CDH10: variants seen among roughly 807,000 people sequenced by gnomAD.
CDH10 encodes cadherin 10.
A neutral mutation model predicts 73.1 loss-of-function variants in CDH10; 30 were observed. The ratio of observed to expected loss-of-function variants is 0.41; its 90% CI spans 0.31 to 0.56. The LOEUF is 0.56. Among genes scored for constraint, CDH10 ranks in the 20% least tolerant of loss-of-function variants. The pLI is 0.27. For missense variants in CDH10, 815 were observed against 973.7 expected (o/e 0.84, Z 2.17); for synonymous variants, 345 against 348.2 (o/e 0.99, Z 0.10).
At chr5:24,499,231 A>G (rs942104024) in intron 8 of CDH10, 1 of 152,640 alleles carries the variant, frequency 6.6e-6, no homozygotes, top group East Asian at 1.9e-4. Context: ...CACATATTTT[A>G]TTAATATAGT....
intron 5 of CDH10, among the ~76,000 whole-genome samples, chr5:24,513,314 C>T (rs1293301126): frequency 2.6e-5 from 4 of 152,096 alleles, no homozygotes; most frequent in South Asian, 2.1e-4. Flanking sequence ...CCACTGTGCC[C>T]GGCCCCTATA....
At chr5:24,543,761 T>C (rs2111920952) in intron 2 of CDH10, among the ~76,000 whole-genome samples, 1 of 152,214 alleles carries the variant, frequency 6.6e-6, no homozygotes, top group Non-Finnish European at 1.5e-5. Flanking sequence ...TGAAAGCATG[T>C]CAAAGCCAGC....
chr5:24,540,115 A>T (rs1286462970), intron 2 of CDH10, among the ~76,000 whole-genome samples: 1 of 151,952 alleles, frequency 6.6e-6, no homozygotes, highest in African/African-American at 2.4e-5. Flanking sequence ...AGATCCAAAC[A>T]TTTGTGAAAT....
intron 1 of CDH10, among the ~76,000 whole-genome samples, chr5:24,631,084 A>G (rs1738703284): frequency 1.3e-5 from 2 of 152,126 alleles, no homozygotes; most frequent in Non-Finnish European, 2.9e-5. Context: ...GCAATTTACC[A>G]CTATGCAGTA....
intron 1 of CDH10, among the ~76,000 whole-genome samples, chr5:24,600,035 C>A (rs980660278): frequency 2.6e-5 from 4 of 151,986 alleles, no homozygotes; most frequent in Admixed American, 6.6e-5. Context: ...CAGAAAGGGG[C>A]CAGATTGTAA....
chr5:24,544,702 A>T (rs977232792), intron 2 of CDH10, among the ~76,000 whole-genome samples: 3 of 152,086 alleles, frequency 2.0e-5, no homozygotes, highest in Non-Finnish European at 4.4e-5. Context: ...GGTCCTGGAG[A>T]TGTAGGAGCT....
intron 8 of CDH10, among the ~76,000 whole-genome samples, chr5:24,500,105 C>T (rs1448609586): frequency 1.3e-5 from 2 of 152,046 alleles, no homozygotes; most frequent in African/African-American, 2.4e-5. Flanking sequence ...ATTTATCTGA[C>T]GTCTTAAGGT....
At chr5:24,634,969 G>A (rs1393808730) in intron 1 of CDH10, among the ~76,000 whole-genome samples, 2 of 148,636 alleles carry the variant, frequency 1.3e-5, no homozygotes, top group Admixed American at 6.8e-5. Flanking sequence ...CATTCCAGAT[G>A]CTTTTTAAAT....
intron 5 of CDH10, among the ~76,000 whole-genome samples, chr5:24,533,827 A>G (rs1003180071): frequency 6.6e-6 from 1 of 152,086 alleles, no homozygotes; most frequent in African/African-American, 2.4e-5. Flanking sequence ...TTAATTGAAA[A>G]AAGCATAAGC....
At chr5:24,635,841 T>A (rs777118590) in intron 1 of CDH10, among the ~76,000 whole-genome samples, 8 of 151,930 alleles carry the variant, frequency 5.3e-5, no homozygotes, top group Non-Finnish European at 1.2e-4. Context: ...TGCCTGGAAA[T>A]GTTTTGGTTC....
chr5:24,551,545 G>A (rs193072314), intron 2 of CDH10, among the ~76,000 whole-genome samples: 7 of 152,160 alleles, frequency 4.6e-5, no homozygotes, highest in Admixed American at 3.3e-4. Flanking sequence ...TTCTAAGCCA[G>A]TGTCATCAAT....
chr5:24,625,526 GATCA>G (rs1253350125), intron 1 of CDH10, among the ~76,000 whole-genome samples: 9 of 139,262 alleles, frequency 6.5e-5, no homozygotes, highest in Non-Finnish European at 3.1e-5. Flanking sequence ...ATCTGACTGA[GATCA>G]ATCTATTTAT....
chr5:24,496,874 G>A (rs1742310325), intron 9 of CDH10, among the ~76,000 whole-genome samples: 1 of 152,108 alleles, frequency 6.6e-6, no homozygotes, highest in South Asian at 2.1e-4. Flanking sequence ...GTTTAACCGA[G>A]GCATTTTTCA....
chr5:24,596,318 G>C (rs986575760), intron 1 of CDH10, among the ~76,000 whole-genome samples: 1 of 151,314 alleles, frequency 6.6e-6, no homozygotes, highest in Non-Finnish European at 1.5e-5. Flanking sequence ...CTTTTACATG[G>C]TCAGTCAATG....
intron 1 of CDH10, among the ~76,000 whole-genome samples, chr5:24,622,681 G>A (rs755681953): frequency 7.2e-5 from 11 of 152,130 alleles, no homozygotes; most frequent in Non-Finnish European, 1.3e-4. Context: ...TAGGACAGAT[G>A]CGGTATTTAT....
intron 2 of CDH10, among the ~76,000 whole-genome samples, chr5:24,571,032 A>T (rs113473014): frequency 0.014 from 2,197 of 152,170 alleles, 59 homozygotes; most frequent in African/African-American, 0.05. Flanking sequence ...AGGAATGGTG[A>T]CCATCAGCCC....
At chr5:24,594,616 A>G (rs2112097844) in intron 1 of CDH10, among the ~76,000 whole-genome samples, 1 of 151,900 alleles carries the variant, frequency 6.6e-6, no homozygotes, top group South Asian at 2.1e-4. Flanking sequence ...TTCTTGCTTC[A>G]CCATGCAATA....
At chr5:24,551,602 T>C (rs1365826115) in intron 2 of CDH10, among the ~76,000 whole-genome samples, 1 of 152,186 alleles carries the variant, frequency 6.6e-6, no homozygotes, top group African/African-American at 2.4e-5. Flanking sequence ...GCTTTTCTTT[T>C]GAAATTTCAT....
At chr5:24,627,058 T>C (rs1747533199) in intron 1 of CDH10, among the ~76,000 whole-genome samples, 1 of 151,840 alleles carries the variant, frequency 6.6e-6, no homozygotes, top group South Asian at 2.1e-4. Flanking sequence ...ACCATTTTCC[T>C]GTATATAATT....
Sources: allele counts gnomAD v4.1 joint callset (sites outside exome capture counted in the v4.1 genomes callset), GRCh38; gene constraint gnomAD v4.1.1; transcripts MANE v1.5; gene names NCBI Gene and HGNC (gene_info 2026-07-23, HGNC 2026-07-21).